IHO1: variants seen among roughly 807,000 people sequenced by gnomAD.
IHO1 encodes interactor of HORMAD1 protein 1.
In IHO1, 13 loss-of-function variants were observed where a neutral mutation model predicts 31.0. The ratio of observed to expected loss-of-function variants is 0.42; its 90% confidence interval spans 0.27 to 0.67. The LOEUF (loss-of-function observed/expected upper bound fraction) is 0.67, where lower values mean the gene tolerates loss of function less well. IHO1 is among the 30% of genes least tolerant of loss of function. The pLI is 0.24. For synonymous variants in IHO1, 221 were observed against 248.4 expected (o/e 0.89, Z 1.04); for missense variants, 599 against 687.5 (o/e 0.87, Z 1.44).
At chr3:49,254,100 C>CT (rs1439614568) in intron 6 of IHO1, among the ~76,000 whole-genome samples, 4 of 152,166 alleles carry the variant, frequency 2.6e-5, no homozygotes, top group African/African-American at 7.2e-5. Context: ...TGCCAAAGTG[C>CT]TGGGATTACA....
At chr3:49,211,657 T>G (rs984067875) in intron 1 of IHO1, 109 bp from the exon 2 acceptor site, 3 of 412,124 alleles carry the variant, frequency 7.3e-6, no homozygotes, top group Non-Finnish European at 1.3e-5. Flanking sequence ...ACTAATTGGA[T>G]GGGAATATAG....
At chr3:49,244,891 C>A (rs1182668998) in intron 6 of IHO1, 158 bp downstream of exon 6, 1 of 719,710 alleles carries the variant, frequency 1.4e-6, no homozygotes, top group Non-Finnish European at 2.5e-6. Flanking sequence ...GTGGAGCACA[C>A]TGAGCTGGGT....
At chr3:49,219,079 CGG>C in intron 2 of IHO1, among the ~76,000 whole-genome samples, 1 of 152,220 alleles carries the variant, frequency 6.6e-6, no homozygotes, top group Non-Finnish European at 1.5e-5. Flanking sequence ...AAGGCTGAGG[CGG>C]ATGCATCACT....
At chr3:49,241,418 A>G in intron 4 of IHO1, 29 bp downstream of exon 4, 1 of 1,567,636 alleles carries the variant, frequency 6.4e-7, no homozygotes, top group African/African-American at 1.4e-5. Flanking sequence ...TGGATGAAAG[A>G]ACTCACCTTT....
chr3:49,255,110 A>T (rs748694995), intron 6 of IHO1, among the ~76,000 whole-genome samples: 2 of 151,940 alleles, frequency 1.3e-5, no homozygotes, highest in African/African-American at 4.8e-5. Context: ...CAGAGGGTGC[A>T]TTCTACTAAG....
intron 3 of IHO1, among the ~76,000 whole-genome samples, chr3:49,238,286 G>T (rs1371674902): frequency 6.9e-6 from 1 of 144,750 alleles, no homozygotes; most frequent in African/African-American, 2.7e-5. Flanking sequence ...ATGTAGTTTT[G>T]TTTTGTTTTG....
intron 3 of IHO1, 76 bp from the exon 4 acceptor site, chr3:49,241,150 C>T (rs2107725957): frequency 1.6e-6 from 2 of 1,214,588 alleles, no homozygotes; most frequent in Non-Finnish European, 2.3e-6. Flanking sequence ...AAATGTGACT[C>T]TGCATTGTAC....
chr3:49,191,717 C>A, the IHO1 span: 3 of 1,594,712 alleles, frequency 1.9e-6, no homozygotes, highest in Non-Finnish European at 2.5e-6. Context: ...GGGCCAGGGG[C>A]CAGGATTAAC....
At chr3:49,205,331 CTTTTT>C (rs766264368) in intron 1 of IHO1, among the ~76,000 whole-genome samples, 2 of 139,684 alleles carry the variant, frequency 1.4e-5, no homozygotes, top group Non-Finnish European at 3.1e-5. Flanking sequence ...CCAGAGGTCA[CTTTTT>C]TTTTTTTTTT....
rs1424460500 is a variant in IHO1, at chr3:49,257,481, T to A, written c.*199T>A. ...CTGCCCCTGACAAGGATTAAGTGCA[T>A]CCTTATTTATTGGAATGAAATGTGA... On this transcript the variant is annotated 3_prime_UTR_variant, in exon 8 of 8. Transcript: ENST00000452691. 2 of 568,734 alleles carry A rather than the reference T, an allele frequency of 3.5e-6. No homozygotes were observed. Among genetic ancestry groups the A allele is most frequent in the African/African-American group, 1.9e-5 (1 of 53,630 alleles). The allele number at this position is 568,734 out of a possible 1,614,324, so 35.2% of individuals were successfully genotyped here.
upstream of IHO1, chr3:49,198,501 C>A (rs2046016512): frequency 6.6e-6 from 1 of 152,356 alleles, no homozygotes; most frequent in Middle Eastern, 3.2e-3. Context: ...TCCATTTATA[C>A]TCCATTGGTG....
At chr3:49,232,080 G>T (rs1247337155) in intron 2 of IHO1, among the ~76,000 whole-genome samples, 1 of 152,194 alleles carries the variant, frequency 6.6e-6, no homozygotes, top group African/African-American at 2.4e-5. Flanking sequence ...GTCACCTTTT[G>T]CAGTGTTTTG....
intron 3 of IHO1, 80 bp downstream of exon 3, chr3:49,236,802 C>A: frequency 7.2e-7 from 1 of 1,387,874 alleles, no homozygotes; most frequent in Non-Finnish European, 9.8e-7. Context: ...CTTATTCTGG[C>A]CAGGTGCAAT....
At chr3:49,204,599 A>C (rs1419001162) in intron 1 of IHO1, among the ~76,000 whole-genome samples, 1 of 152,180 alleles carries the variant, frequency 6.6e-6, no homozygotes, top group Non-Finnish European at 1.5e-5. Context: ...AGGCAGATGA[A>C]ATGATGCTTT....
upstream of IHO1, among the ~76,000 whole-genome samples, chr3:49,196,666 T>G (rs865918737): frequency 1.4e-5 from 2 of 143,158 alleles, no homozygotes; most frequent in Non-Finnish European, 1.6e-5. Flanking sequence ...GTATTTTTAT[T>G]GATTGATTGA....
At chr3:49,197,450 G>A (rs1307850686), upstream of IHO1, among the ~76,000 whole-genome samples, 1 of 152,026 alleles carries the variant, frequency 6.6e-6, no homozygotes, top group Non-Finnish European at 1.5e-5. Context: ...CATGAGCTAT[G>A]GTGTCCAGCC....
intron 2 of IHO1, among the ~76,000 whole-genome samples, chr3:49,227,272 A>G (rs990130545): frequency 6.6e-6 from 1 of 152,222 alleles, no homozygotes; most frequent in African/African-American, 2.4e-5. Context: ...TAGTGCAGAA[A>G]AAAATGAGCC....
chr3:49,228,397 G>A (rs747930974), intron 2 of IHO1: 26 of 428,654 alleles, frequency 6.1e-5, no homozygotes, highest in East Asian at 1.5e-4. Flanking sequence ...TTAGTCCAGC[G>A]GCCACGCTAG....
intron 6 of IHO1, among the ~76,000 whole-genome samples, chr3:49,252,498 A>G (rs768992255): frequency 6.6e-6 from 1 of 151,828 alleles, no homozygotes; most frequent in African/African-American, 2.4e-5. Flanking sequence ...AGCTGACTGT[A>G]GCTTTGACCT....
Sources: gnomAD v4.1 joint callset for allele counts (sites outside exome capture counted in the v4.1 genomes callset) on GRCh38, gnomAD v4.1.1 for gene constraint, MANE v1.5 for transcripts, NCBI Gene and HGNC (gene_info 2026-07-23, HGNC 2026-07-21) for gene names.